STXBP5L: variants seen among roughly 807,000 people sequenced by gnomAD.
The protein encoded by STXBP5L is syntaxin binding protein 5L, also known as syntaxin-binding protein 5-like.
STXBP5L carries 65 observed loss-of-function variants against 144.5 expected under a neutral mutation model. The ratio of observed to expected loss-of-function variants is 0.45; its 90% CI spans 0.37 to 0.55. The LOEUF (loss-of-function observed/expected upper bound fraction) is 0.55. Ranked by LOEUF, STXBP5L falls within the 20% of genes least tolerant of loss-of-function variation. STXBP5L has a pLI of 0.00. For synonymous variants in STXBP5L, 505 were observed against 469.6 expected (o/e 1.08, Z -0.97); for missense variants, 1,298 against 1,405.5 (o/e 0.92, Z 1.22).
At chr3:121,291,791 A>G (rs1045662599) in intron 19 of STXBP5L, among the ~76,000 whole-genome samples, 2 of 152,172 alleles carry the variant, frequency 1.3e-5, no homozygotes, top group African/African-American at 4.8e-5. Context: ...GCGAACAATA[A>G]TATAAAGTGG....
intron 2 of STXBP5L, among the ~76,000 whole-genome samples, chr3:120,934,749 T>A (rs1033435094): frequency 1.3e-5 from 2 of 152,052 alleles, no homozygotes; most frequent in African/African-American, 4.8e-5. Context: ...GTAATGTCCA[T>A]CTTTATCCTT....
chr3:121,294,021 A>T (rs921695508), intron 19 of STXBP5L, among the ~76,000 whole-genome samples: 3 of 152,274 alleles, frequency 2.0e-5, no homozygotes, highest in African/African-American at 7.2e-5. Context: ...ACAAGATCAT[A>T]AAAGCTTCTG....
intron 14 of STXBP5L, among the ~76,000 whole-genome samples, chr3:121,242,056 A>G (rs926198657): frequency 2.0e-5 from 3 of 151,178 alleles, no homozygotes; most frequent in Non-Finnish European, 2.9e-5. Context: ...TCCTTCAAGA[A>G]TTAAGGCAAA....
intron 20 of STXBP5L, among the ~76,000 whole-genome samples, chr3:121,328,546 C>G (rs565694017): frequency 2.6e-5 from 4 of 151,944 alleles, no homozygotes; most frequent in Non-Finnish European, 5.9e-5. Context: ...GTCAGGAGTT[C>G]GAGACCAGCC....
intron 20 of STXBP5L, among the ~76,000 whole-genome samples, chr3:121,323,702 A>G (rs2044051720): frequency 6.6e-6 from 1 of 152,156 alleles, no homozygotes; most frequent in Admixed American, 6.5e-5. Context: ...AGAAATAAAC[A>G]TTAAACTTTA....
chr3:121,091,708 T>A (rs1357216464), intron 5 of STXBP5L, among the ~76,000 whole-genome samples: 3 of 152,214 alleles, frequency 2.0e-5, no homozygotes, highest in African/African-American at 7.2e-5. Context: ...GCGAAAATTT[T>A]CTCCCATGTT....
intron 4 of STXBP5L, among the ~76,000 whole-genome samples, chr3:121,044,819 G>T (rs1457418485): frequency 6.6e-6 from 1 of 152,116 alleles, no homozygotes; most frequent in Non-Finnish European, 1.5e-5. Flanking sequence ...ATTTGGTGGT[G>T]CTGTATAAAA....
chr3:121,093,915 A>C (rs187616562), intron 5 of STXBP5L, among the ~76,000 whole-genome samples: 4 of 152,082 alleles, frequency 2.6e-5, no homozygotes, highest in Non-Finnish European at 5.9e-5. Flanking sequence ...ATTTAGTGCT[A>C]TACATTTCCC....
At chr3:120,994,907 C>T (rs756372903) in intron 3 of STXBP5L, among the ~76,000 whole-genome samples, 8 of 151,952 alleles carry the variant, frequency 5.3e-5, no homozygotes, top group Admixed American at 6.6e-5. Flanking sequence ...GGGTCCTGGG[C>T]TTTTCTTTGT....
chr3:120,928,316 G>A (rs1709745370), intron 2 of STXBP5L, among the ~76,000 whole-genome samples: 1 of 151,994 alleles, frequency 6.6e-6, no homozygotes, highest in South Asian at 2.1e-4. Flanking sequence ...AGGCTGGAGT[G>A]CAGTGGCGAA....
At chr3:121,091,589 G>A (rs912485164) in intron 5 of STXBP5L, among the ~76,000 whole-genome samples, 1 of 152,288 alleles carries the variant, frequency 6.6e-6, no homozygotes, top group South Asian at 2.1e-4. Flanking sequence ...TTTGAGAAGT[G>A]TATGTTCATG....
At chr3:120,926,630 G>A (rs1709647257) in intron 2 of STXBP5L, among the ~76,000 whole-genome samples, 1 of 151,916 alleles carries the variant, frequency 6.6e-6, no homozygotes, top group Non-Finnish European at 1.5e-5. Flanking sequence ...TGAACATGCT[G>A]TCTACCCCTT....
At chr3:121,031,768 G>A (rs1470673674) in intron 3 of STXBP5L, among the ~76,000 whole-genome samples, 1 of 152,116 alleles carries the variant, frequency 6.6e-6, no homozygotes, top group Non-Finnish European at 1.5e-5. Flanking sequence ...ACCAGTTAAG[G>A]AGTTGCAATG....
At position 121,152,485 on chromosome 3, in the gene STXBP5L, A is replaced by C; in HGVS notation, c.678A>C (p.Ile226=). Residue 226 remains isoleucine, a synonymous_variant, in exon 8 of 27, where the codon ATA becomes ATC. Coordinates refer to ENST00000471454, the MANE Select transcript of STXBP5L (RefSeq NM_001308330.2). ...GTTCTAATGTTTTCCAGCTGCTAAT[A>C]GGTTATGAAAATGGTACTGTAGTAT... ...DSPRDEGKLL[I]GYENGTVVFW... 2 of 1,601,360 alleles carry C rather than the reference A, an allele frequency of 1.2e-6. No individual in the cohort carries two copies. Among genetic ancestry groups the C allele is most frequent in the Non-Finnish European group, 1.7e-6 (2 of 1,174,206 alleles).
chr3:121,005,191 T>C (rs542746379), intron 3 of STXBP5L, among the ~76,000 whole-genome samples: 82 of 152,294 alleles, frequency 5.4e-4, no homozygotes, highest in Non-Finnish European at 1.1e-3. Flanking sequence ...TGGACTTTTT[T>C]TGGTTGGTAG....
At chr3:121,135,936 G>A (rs954889472) in intron 7 of STXBP5L, among the ~76,000 whole-genome samples, 1 of 152,316 alleles carries the variant, frequency 6.6e-6, no homozygotes, top group African/African-American at 2.4e-5. Context: ...GCTACTGAAG[G>A]CCTTAGCATG....
Position 120,908,291 on chromosome 3 carries a change from C to T in STXBP5L, c.-52C>T, listed in dbSNP as rs1036224507. 2.6e-5 allele frequency: 4 copies of T among 152,574 alleles called. No individual in the cohort carries two copies. The South Asian group carries it at 6.2e-4, about 24-fold the overall frequency. 9.5% of individuals were successfully genotyped at this position (152,574 alleles called of 1,614,324 possible). A position where few individuals can be genotyped will look rare whatever the true frequency, so the allele number is the denominator to read the frequency against. ...GCCGGAGCCCGCCTACCTCGGCCCCCTCAGCTTCCCGGGCTGGCAGGCGGC... is the reference window on the plus strand; with the variant it reads ...GCCGGAGCCCGCCTACCTCGGCCCCTTCAGCTTCCCGGGCTGGCAGGCGGC... On this transcript the variant is annotated 5_prime_UTR_variant, in exon 1 of 27. Coordinates refer to ENST00000471454, the MANE Select transcript of STXBP5L (RefSeq NM_001308330.2).
intron 22 of STXBP5L, among the ~76,000 whole-genome samples, chr3:121,388,890 T>C (rs2046498964): frequency 6.6e-6 from 1 of 152,226 alleles, no homozygotes; most frequent in South Asian, 2.1e-4. Context: ...GGTATAAGGA[T>C]GATGTGGGCC....
At chr3:121,353,450 A>T (rs573465272) in intron 20 of STXBP5L, among the ~76,000 whole-genome samples, 1 of 151,900 alleles carries the variant, frequency 6.6e-6, no homozygotes, top group Non-Finnish European at 1.5e-5. Context: ...TTTCTTCTAG[A>T]TTTTCTAGTT....
Sources: allele counts gnomAD v4.1 joint callset (sites outside exome capture counted in the v4.1 genomes callset), GRCh38; gene constraint gnomAD v4.1.1; transcripts MANE v1.5; gene names NCBI Gene and HGNC (gene_info 2026-07-23, HGNC 2026-07-21).